Variants in RAB3GAP1 observed in about 807,000 individuals in gnomAD.
RAB3GAP1 encodes the protein rab3 GTPase-activating protein catalytic subunit.
RAB3GAP1 carries 86 observed loss-of-function variants against 130.7 expected under a neutral mutation model. The ratio of observed to expected loss-of-function variants is 0.66; its 90% confidence interval spans 0.55 to 0.79. The LOEUF (loss-of-function observed/expected upper bound fraction) is 0.79. Among genes scored for constraint, RAB3GAP1 ranks in the 30% least tolerant of loss-of-function variants. The probability of loss-of-function intolerance (pLI) is 0.00; values close to 1 mark genes in which losing one functional copy is unlikely to be tolerated. For synonymous variants in RAB3GAP1, 367 were observed against 401.7 expected (o/e 0.91, Z 1.03); for missense variants, 1,029 against 1,169.4 (o/e 0.88, Z 1.75).
intron 3 of RAB3GAP1, among the ~76,000 whole-genome samples, chr2:135,060,506 C>T (rs951308760): frequency 3.5e-4 from 53 of 151,750 alleles, no homozygotes; most frequent in East Asian, 9.7e-4. Flanking sequence ...GTGATCTGCC[C>T]GCCTCGGCCT....
intron 5 of RAB3GAP1, among the ~76,000 whole-genome samples, chr2:135,094,288 TTA>T (rs1257631873): frequency 2.6e-5 from 4 of 152,180 alleles, no homozygotes; most frequent in Non-Finnish European, 5.9e-5. Context: ...TTGTTTTTAA[TTA>T]TTGTAGATAT....
At chr2:135,106,375 A>T (rs1690619751) in intron 5 of RAB3GAP1, among the ~76,000 whole-genome samples, 1 of 152,262 alleles carries the variant, frequency 6.6e-6, no homozygotes, top group Non-Finnish European at 1.5e-5. Context: ...GTGTAGAAAG[A>T]AGTAGACATA....
chr2:135,074,029 G>C (rs922693848), intron 3 of RAB3GAP1, among the ~76,000 whole-genome samples: 1 of 152,180 alleles, frequency 6.6e-6, no homozygotes, highest in African/African-American at 2.4e-5. Flanking sequence ...CCTGGCACTA[G>C]GGCCTTACAC....
Position 135,168,774 on chromosome 2 carries a change from T to G in RAB3GAP1, c.2939T>G (p.Phe980Cys). The change falls in exon 24 of 24, where the codon TTC (phenylalanine) becomes TGC (cysteine). Residue 980 changes from phenylalanine (F) to cysteine (C), a missense_variant. By Grantham distance (205) the Phe-to-Cys change is radical (BLOSUM62 -2). Coordinates refer to ENST00000264158, the MANE Select transcript of RAB3GAP1 (RefSeq NM_012233.3). ...GGTGCCTTTTCATCAGATACTTCCT[T>G]CTTCTGATTCTTCTAGCATTACTCG... ...LAGAFSSDTS[F>C]F 2 of 1,608,874 alleles carry G rather than the reference T, an allele frequency of 1.2e-6. No individual in the cohort carries two copies. Among genetic ancestry groups the G allele is most frequent in the Non-Finnish European group, 1.7e-6 (2 of 1,175,182 alleles).
At position 135,128,297 on chromosome 2, in the gene RAB3GAP1, C is replaced by G. The variant is rs187633177; in HGVS notation, c.973+1641C>G. On this transcript the variant is annotated intron_variant, in intron 11 of 23. Transcript: ENST00000264158. Reference sequence around the variant, plus strand: ...CAGACCTCAGTTCAAATCCTGGATTCACCAGGTTGGTCAAGTTTCTTAATC... The same window carrying G: ...CAGACCTCAGTTCAAATCCTGGATTGACCAGGTTGGTCAAGTTTCTTAATC... 1.0e-3 allele frequency among the ~76,000 whole-genome samples: 158 copies of G among 152,300 alleles called. 1 individual carries two copies. The highest frequency in any genetic ancestry group is 6.8e-3 in the Middle Eastern group (2 of 294).
intron 3 of RAB3GAP1, among the ~76,000 whole-genome samples, chr2:135,089,172 G>T (rs960430126): frequency 6.6e-6 from 1 of 151,584 alleles, no homozygotes; most frequent in Admixed American, 6.6e-5. Flanking sequence ...GCTTGTTTTT[G>T]TCAGGTTTGT....
At chr2:135,117,749 TGC>T (rs1444785036) in intron 7 of RAB3GAP1, among the ~76,000 whole-genome samples, 7 of 101,686 alleles carry the variant, frequency 6.9e-5, no homozygotes, top group East Asian at 2.6e-4. Flanking sequence ...CTTCTTCTTC[TGC>T]TTCTGCTTCT....
intron 18 of RAB3GAP1, 67 bp from the exon 19 acceptor site, chr2:135,153,582 G>A: frequency 7.0e-7 from 1 of 1,435,058 alleles, no homozygotes; most frequent in Non-Finnish European, 9.8e-7. Flanking sequence ...ATACAATTTT[G>A]CAAACAGGCT....
At chr2:135,135,998 A>G in intron 17 of RAB3GAP1, 66 bp downstream of exon 17, 1 of 1,579,780 alleles carries the variant, frequency 6.3e-7, no homozygotes, top group South Asian at 1.1e-5. Context: ...TCCTAGTAGA[A>G]GATAGTGCTT....
At chr2:135,133,219 AG>A (rs1269105945) in intron 14 of RAB3GAP1, among the ~76,000 whole-genome samples, 2 of 152,210 alleles carry the variant, frequency 1.3e-5, no homozygotes, top group African/African-American at 4.8e-5. Context: ...ACACAGCTGT[AG>A]GATTTCCCTC....
chr2:135,164,447 T>C (rs945253602), intron 22 of RAB3GAP1, 147 bp from the exon 23 acceptor site: 20 of 678,476 alleles, frequency 2.9e-5, no homozygotes, highest in East Asian at 2.0e-4. Context: ...GTCAATCTTA[T>C]CTTGCTGTAA....
chr2:135,144,501 A>T (rs1396792619), intron 17 of RAB3GAP1, among the ~76,000 whole-genome samples: 1 of 152,242 alleles, frequency 6.6e-6, no homozygotes. Flanking sequence ...AAATAGGTGA[A>T]GGGTGAGGAT....
intron 3 of RAB3GAP1, among the ~76,000 whole-genome samples, chr2:135,080,826 G>A (rs565139265): frequency 2.6e-5 from 4 of 152,068 alleles, no homozygotes; most frequent in African/African-American, 4.8e-5. Context: ...CAAAAGTTGC[G>A]TACAAAAGAG....
chr2:135,102,090 A>G (rs994052912), intron 5 of RAB3GAP1, among the ~76,000 whole-genome samples: 3 of 152,266 alleles, frequency 2.0e-5, no homozygotes, highest in Non-Finnish European at 4.4e-5. Flanking sequence ...ATTAACATTA[A>G]CATTGCTTAG....
At chr2:135,090,294 TA>T (rs1247499670) in intron 3 of RAB3GAP1, among the ~76,000 whole-genome samples, 1 of 152,196 alleles carries the variant, frequency 6.6e-6, no homozygotes, top group Non-Finnish European at 1.5e-5. Context: ...ATTTTAAAAA[TA>T]GTAACTCACA....
intron 5 of RAB3GAP1, among the ~76,000 whole-genome samples, chr2:135,105,791 G>A (rs1315819432): frequency 2.0e-5 from 3 of 149,186 alleles, no homozygotes; most frequent in South Asian, 2.1e-4. Context: ...AGTGAGGAGC[G>A]TCTCTGCCTG....
intron 19 of RAB3GAP1, among the ~76,000 whole-genome samples, chr2:135,161,972 G>T (rs1692477815): frequency 6.6e-6 from 1 of 151,958 alleles, no homozygotes; most frequent in African/African-American, 2.4e-5. Flanking sequence ...TGATGTAAAA[G>T]AATTGTACAT....
rs1407520290 is a variant in RAB3GAP1, at chr2:135,169,483, T to C, written c.*702T>C. ...TCTGTCATGTGAGATTTGTCTTACT[T>C]ATTTTTCTTTTGGTTGCCATGGAAG... On this transcript the variant is annotated 3_prime_UTR_variant, in exon 24 of 24. Transcript: ENST00000264158. 5.3e-6 allele frequency: 1 copy of C among 187,950 alleles called. No individual in the cohort carries two copies. Among genetic ancestry groups the C allele is most frequent in the African/African-American group, 2.4e-5 (1 of 41,982 alleles). 11.6% of individuals were successfully genotyped at this position (187,950 alleles called of 1,614,324 possible).
chr2:135,157,502 C>G (rs1208558695), intron 19 of RAB3GAP1, among the ~76,000 whole-genome samples: 1 of 152,090 alleles, frequency 6.6e-6, no homozygotes, highest in Admixed American at 6.6e-5. Context: ...ATGTGTTTGA[C>G]TGTATACTGT....
Sources: gnomAD v4.1 joint callset for allele counts (sites outside exome capture counted in the v4.1 genomes callset) on GRCh38, gnomAD v4.1.1 for gene constraint, MANE v1.5 for transcripts, NCBI Gene and HGNC (gene_info 2026-07-23, HGNC 2026-07-21) for gene names.